MESP2: variants seen among roughly 807,000 people sequenced by gnomAD.
MESP2 encodes mesoderm posterior bHLH transcription factor 2.
MESP2 carries 34 observed loss-of-function variants against 37.8 expected under a neutral mutation model. The observed-to-expected ratio is 0.90, with a 90% CI of 0.68 to 1.20. The LOEUF (loss-of-function observed/expected upper bound fraction) is 1.20, where lower values mean the gene tolerates loss of function less well. Ranked by LOEUF, MESP2 falls within the 50% of genes most tolerant of loss-of-function variation. MESP2 has a pLI of 0.00. For missense variants in MESP2, 646 were observed against 545.3 expected, an observed-to-expected ratio of 1.18 and a Z score of -1.84; for synonymous variants, 303 against 251.6, an observed-to-expected ratio of 1.20 and a Z score of -1.93.
chr15:89,778,124 C>A lies in MESP2; in HGVS notation c.984C>A (p.His328Gln). The A allele has an allele frequency of 6.2e-7, 1 of 1,613,856 alleles. No homozygotes were observed. The highest frequency in any genetic ancestry group is 1.7e-5 in the Admixed American group (1 of 60,034). The change falls in exon 2 of 2, where the codon CAC becomes CAA. Residue 328 changes from histidine to glutamine, a missense_variant. Transcript: ENST00000341735. ...LSLGAPSLLP[H>Q]PSCQRLQPQT... is the part of the protein sequence containing the mutation. ...TGGGAGCTCCATCTCTCCTGCCCCA[C>A]CCATCATGCCAGAGACTGCAGCCTC...
Position 89,778,275 on chromosome 15 carries a change from G to T in MESP2, c.1135G>T (p.Gly379Cys). The change falls in exon 2 of 2, where the codon GGC (glycine) becomes TGC (cysteine). Residue 379 changes from glycine (G) to cysteine (C), a missense_variant. By Grantham distance (159) the Gly-to-Cys change is radical (BLOSUM62 -3). Transcript: ENST00000341735. ...PPQSSGLRFS[G>C]CPELWQEDLE... ...CCAGAGCTCAGGCCTGCGGTTCAGTGGCTGCCCTGAACTTTGGCAAGAAGA... is the reference window on the plus strand; with the variant it reads ...CCAGAGCTCAGGCCTGCGGTTCAGTTGCTGCCCTGAACTTTGGCAAGAAGA... The T allele has an allele frequency of 6.2e-7, 1 of 1,613,184 alleles. No individual in the cohort carries two copies. The highest frequency in any genetic ancestry group is 8.5e-7 in the Non-Finnish European group (1 of 1,179,996).
rs751338786 is a variant in MESP2 at position 89,778,372 on chromosome 15, C to A, written c.*38C>A. 1.2e-6 allele frequency: 2 copies of A among 1,612,308 alleles called. No homozygotes were observed. The highest frequency in any genetic ancestry group is 1.1e-5 in the South Asian group (1 of 91,010). ...TCCCTCTTTCCATCCAGGAATCAGTCCTGTAGCTTGGGTGCCTCCTTATTT... is the reference window on the plus strand; with the variant it reads ...TCCCTCTTTCCATCCAGGAATCAGTACTGTAGCTTGGGTGCCTCCTTATTT... On this transcript the variant is annotated 3_prime_UTR_variant, in exon 2 of 2. Transcript: ENST00000341735.
chr15:89,777,074 G>T lies in MESP2; in HGVS notation c.717G>T (p.Gly239=), dbSNP rs181559095. 1 of 1,611,316 alleles carries T rather than the reference G, an allele frequency of 6.2e-7. No individual in the cohort carries two copies. Among genetic ancestry groups the T allele is most frequent in the Non-Finnish European group, 8.5e-7 (1 of 1,179,448 alleles). Residue 239 remains glycine, a synonymous_variant, in exon 1 of 2, where the codon GGG becomes GGT. Coordinates refer to ENST00000341735, the MANE Select transcript of MESP2 (RefSeq NM_001039958.2). ...CCGCACCCGAGCGCCTGGGGAGGGGGGTCCACGACACGGATCCCTGGGCAA... is the reference window on the plus strand; with the variant it reads ...CCGCACCCGAGCGCCTGGGGAGGGGTGTCCACGACACGGATCCCTGGGCAA... The part of the protein sequence containing the change: ...AQAAPERLGR[G]VHDTDPWATP...
rs1968372304 is a variant in MESP2 at position 89,776,825 on chromosome 15, G to A, written c.468G>A (p.Ala156=). ...GCCGGCGCAGGCAGCGCGGGGACGC[G>A]GGGTCCCCTTGGGGCTGCCCGCTGT... ...LQCRRRQRGD[A]GSPWGCPLCP... Residue 156 remains alanine (A), a synonymous_variant, in exon 1 of 2, where the codon GCG becomes GCA. Transcript: ENST00000341735. The A allele has an allele frequency of 1.4e-6, 2 of 1,463,292 alleles. No homozygotes were observed. The highest frequency in any genetic ancestry group is 1.5e-5 in the African/African-American group (1 of 67,434). The allele number at this position is 1,463,292 out of a possible 1,614,324, so 90.6% of individuals were successfully genotyped here. A position where few individuals can be genotyped will look rare whatever the true frequency, so the allele number is the denominator to read the frequency against.
Position 89,776,387 on chromosome 15 carries a change from C to T in MESP2, c.30C>T (p.Leu10=). 6.5e-7 allele frequency: 1 copy of T among 1,532,456 alleles called. No homozygotes were observed. The allele number at this position is 1,532,456 out of a possible 1,614,324, so 94.9% of individuals were successfully genotyped here. A position where few individuals can be genotyped will look rare whatever the true frequency, so the allele number is the denominator to read the frequency against. ...CCCAGTCGCCTCCTCCGCAGAGCCT[C>T]CTCGGCCACGACCACTGGATCTTCG... The part of the protein sequence containing the change: MAQSPPPQS[L]LGHDHWIFAQ... Residue 10 remains leucine, a synonymous_variant, in exon 1 of 2, where the codon CTC becomes CTT. Transcript: ENST00000341735.
At position 89,777,037 on chromosome 15, in the gene MESP2, C is replaced by G; in HGVS notation, c.680C>G (p.Pro227Arg). The G allele has an allele frequency of 6.3e-7, 1 of 1,599,812 alleles. No homozygotes were observed. Among genetic ancestry groups the G allele is most frequent in the Non-Finnish European group, 8.5e-7 (1 of 1,174,746 alleles). ...EASWGSPSAC[P>R]GAQAAPERLG... ...TCCTGGGGATCCCCGTCCGCCTGCC[C>G]CGGAGCCCAAGCCGCACCCGAGCGC... Residue 227 changes from proline to arginine, a missense_variant, in exon 1 of 2, where the codon CCC becomes CGC. Coordinates refer to ENST00000341735, the MANE Select transcript of MESP2 (RefSeq NM_001039958.2).
In MESP2 at chr15:89,776,352, C is replaced by T; in HGVS notation, c.-6C>T. The T allele has an allele frequency of 6.5e-7, 1 of 1,531,180 alleles. No individual in the cohort carries two copies. The highest frequency in any genetic ancestry group is 1.4e-5 in the African/African-American group (1 of 72,406). The allele number at this position is 1,531,180 out of a possible 1,614,324, so 94.8% of individuals were successfully genotyped here. On this transcript the variant is annotated 5_prime_UTR_variant, in exon 1 of 2. Transcript: ENST00000341735. The stretch of plus-strand genomic sequence containing the variant: ...AACCCAGCCTCCCAGAGCCTGCAGC[C>T]CGGCCATGGCCCAGTCGCCTCCTCC...
chr15:89,777,398 A>G (rs1031178199), intron 1 of MESP2, 117 bp downstream of exon 1: 3 of 1,200,750 alleles, frequency 2.5e-6, no homozygotes, highest in Admixed American at 2.8e-5. Context: ...AATGGAAGGA[A>G]CCCCCGGCTC....
chr15:89,776,504 C>A lies in MESP2; in HGVS notation c.147C>A (p.Arg49=). The A allele has an allele frequency of 6.5e-7, 1 of 1,533,328 alleles. No individual in the cohort carries two copies. The highest frequency in any genetic ancestry group is 8.7e-7 in the Non-Finnish European group (1 of 1,145,782). 95.0% of individuals were successfully genotyped at this position (1,533,328 alleles called of 1,614,324 possible). Residue 49 remains arginine (R), a synonymous_variant, in exon 1 of 2, where the codon CGC becomes CGA. Transcript: ENST00000341735. ...GTTCGTGCCCCTGCGACGGCGCCCG[C>A]GGACTCCCGCAGCCACAGCCTCCGA... ...SSGSCPCDGA[R]GLPQPQPPSC... is the part of the protein sequence containing the mutation.
At position 89,778,474 on chromosome 15, in the gene MESP2, T is replaced by C. The variant is rs1232856067; in HGVS notation, c.*140T>C. ...AGTGATGTCTTTCAGGGAAGCAGTG[T>C]TTGAAATAGATAGCGGGTACCTTCC... On this transcript the variant is annotated 3_prime_UTR_variant, in exon 2 of 2. Transcript: ENST00000341735. 8.7e-7 allele frequency: 1 copy of C among 1,152,462 alleles called. No homozygotes were observed. Among genetic ancestry groups the C allele is most frequent in the Non-Finnish European group, 1.3e-6 (1 of 790,002 alleles). 71.4% of individuals were successfully genotyped at this position (1,152,462 alleles called of 1,614,324 possible).
rs998503811 is a variant in MESP2, at chr15:89,777,071, G to A, written c.714G>A (p.Arg238=). ...GAQAAPERLG[R]GVHDTDPWAT... ...AAGCCGCACCCGAGCGCCTGGGGAG[G>A]GGGGTCCACGACACGGATCCCTGGG... is the stretch of plus-strand genomic sequence containing the variant. Residue 238 remains arginine, a synonymous_variant, in exon 1 of 2, where the codon AGG becomes AGA. Coordinates refer to ENST00000341735, the MANE Select transcript of MESP2 (RefSeq NM_001039958.2). 2 of 1,611,098 alleles carry A rather than the reference G, an allele frequency of 1.2e-6. No homozygotes were observed. Among genetic ancestry groups the A allele is most frequent in the South Asian group, 1.1e-5 (1 of 90,822 alleles).
Position 89,776,764 on chromosome 15 carries a change from C to T in MESP2, c.407C>T (p.Ser136Leu), listed in dbSNP as rs370081453. 5.9e-6 allele frequency: 9 copies of T among 1,536,990 alleles called. No homozygotes were observed. Among genetic ancestry groups the T allele is most frequent in the Non-Finnish European group, 7.8e-6 (9 of 1,148,530 alleles). Residue 136 changes from serine (S) to leucine (L), a missense_variant, in exon 1 of 2, where the codon TCG (serine) becomes TTG (leucine). Ser to Leu is a moderately radical substitution (Grantham distance 145). Transcript: ENST00000341735. ...RLAIRYIGHL[S>L]AVLGLSEESL... ...GCCATCCGCTACATCGGCCACCTAT[C>T]GGCCGTGCTGGGTCTCAGCGAGGAG... is the stretch of plus-strand genomic sequence containing the variant.
At position 89,777,248 on chromosome 15, in the gene MESP2, C is replaced by T. The variant is rs1481160557; in HGVS notation, c.891C>T (p.Ala297=). The T allele has an allele frequency of 6.8e-6, 11 of 1,611,260 alleles. No individual in the cohort carries two copies. The highest frequency in any genetic ancestry group is 8.5e-6 in the Non-Finnish European group (10 of 1,179,102). Reference sequence around the variant, plus strand: ...ACCCACCAGTGCCCTGGACGGCGGCCCCAGCAACTTTGGAGCTGGCCGCAG... The same window carrying T: ...ACCCACCAGTGCCCTGGACGGCGGCTCCAGCAACTTTGGAGCTGGCCGCAG... ...PRNPPVPWTA[A]PATLELAAVY... Residue 297 remains alanine (A), a synonymous_variant, in exon 1 of 2, where the codon GCC becomes GCT. Coordinates refer to ENST00000341735, the MANE Select transcript of MESP2 (RefSeq NM_001039958.2).
chr15:89,777,962 C>A, intron 1 of MESP2, 103 bp from the exon 2 acceptor site: 1 of 1,535,154 alleles, frequency 6.5e-7, no homozygotes, highest in Non-Finnish European at 9.0e-7. Flanking sequence ...GGCACCAGGG[C>A]TGTCCGGATG....
Position 89,776,609 on chromosome 15 carries a change from G to T in MESP2, c.252G>T (p.Gln84His). Reference protein sequence around the residue: ...ARTGPAGGQRQSASEREKLRM... With the variant: ...ARTGPAGGQRHSASEREKLRM... Reference sequence around the variant, plus strand: ...CCGGACCAGCGGGCGGACAGCGGCAGAGCGCCAGCGAGCGGGAGAAACTGC... The same window carrying T: ...CCGGACCAGCGGGCGGACAGCGGCATAGCGCCAGCGAGCGGGAGAAACTGC... The change falls in exon 1 of 2, where the codon CAG (glutamine) becomes CAT (histidine). Residue 84 changes from glutamine (Q) to histidine (H), a missense_variant. By Grantham distance (24) the Gln-to-His change is conservative (BLOSUM62 0). Coordinates refer to ENST00000341735, the MANE Select transcript of MESP2 (RefSeq NM_001039958.2). 1 of 1,519,794 alleles carries T rather than the reference G, an allele frequency of 6.6e-7. No homozygotes were observed. Among genetic ancestry groups the T allele is most frequent in the African/African-American group, 1.4e-5 (1 of 69,914 alleles). The allele number at this position is 1,519,794 out of a possible 1,614,324, so 94.1% of individuals were successfully genotyped here.
intron 1 of MESP2, 139 bp downstream of exon 1, chr15:89,777,420 A>G (rs756472855): frequency 2.0e-6 from 2 of 1,003,378 alleles, no homozygotes; most frequent in Non-Finnish European, 1.4e-6. Flanking sequence ...GTGGGAGAAG[A>G]GATGGGACCC....
rs932435534 is a variant in MESP2 at position 89,776,433 on chromosome 15, G to T, written c.76G>T (p.Gly26Cys). 3.9e-6 allele frequency: 6 copies of T among 1,533,380 alleles called. No homozygotes were observed. The highest frequency in any genetic ancestry group is 5.2e-6 in the Non-Finnish European group (6 of 1,145,926). The allele number at this position is 1,533,380 out of a possible 1,614,324, so 95.0% of individuals were successfully genotyped here. A position where few individuals can be genotyped will look rare whatever the true frequency, so the allele number is the denominator to read the frequency against. Reference protein sequence around the residue: ...WIFAQGWGWAGHWDSTSPASS... With the variant: ...WIFAQGWGWACHWDSTSPASS... ...CTTCGCCCAGGGCTGGGGCTGGGCC[G>T]GCCACTGGGACTCCACGTCCCCGGC... Residue 26 changes from glycine to cysteine, a missense_variant, in exon 1 of 2, where the codon GGC becomes TGC. Gly to Cys is a radical substitution (Grantham distance 159). Transcript: ENST00000341735.
At chr15:89,778,011 C>G in intron 1 of MESP2, 54 bp from the exon 2 acceptor site, 2 of 1,609,064 alleles carry the variant, frequency 1.2e-6, no homozygotes, top group Non-Finnish European at 1.7e-6. Context: ...GATTCAAGAT[C>G]TCTGGATATC....
chr15:89,776,476 C>T lies in MESP2; in HGVS notation c.119C>T (p.Ser40Leu), dbSNP rs1252083426. The part of the protein sequence containing the change: ...STSPASSSDS[S>L]GSCPCDGARG... ...TCCCCGGCCTCCTCCTCCGATTCGT[C>T]GGGTTCGTGCCCCTGCGACGGCGCC... Residue 40 changes from serine to leucine, a missense_variant, in exon 1 of 2, where the codon TCG becomes TTG. Transcript: ENST00000341735. The T allele has an allele frequency of 6.5e-7, 1 of 1,534,204 alleles. No homozygotes were observed. The highest frequency in any genetic ancestry group is 1.2e-5 in the South Asian group (1 of 83,746).
Sources: allele counts gnomAD v4.1 joint callset, GRCh38; gene constraint gnomAD v4.1.1; transcripts MANE v1.5; gene names NCBI Gene and HGNC (gene_info 2026-07-23, HGNC 2026-07-21).